The following EEF1AKMT1 variants were observed in gnomAD, a reference collection of about 807,000 sequenced individuals.
The protein encoded by EEF1AKMT1 is N-6 adenine-specific DNA methyltransferase 2 (putative).
In EEF1AKMT1, 18 loss-of-function variants were observed where a neutral mutation model predicts 21.0. The ratio of observed to expected loss-of-function variants is 0.86; its 90% confidence interval spans 0.59 to 1.27. EEF1AKMT1 has a LOEUF of 1.27. Ranked by LOEUF, EEF1AKMT1 falls within the 50% of genes most tolerant of loss-of-function variation. EEF1AKMT1 has a pLI of 0.00. For synonymous variants in EEF1AKMT1, 109 were observed against 94.8 expected, an observed-to-expected ratio of 1.15 and a Z score of -0.87; for missense variants, 246 against 258.6, an observed-to-expected ratio of 0.95 and a Z score of 0.33.
At chr13:20,739,965 G>T (rs1206040765) in intron 2 of EEF1AKMT1, among the ~76,000 whole-genome samples, 1 of 152,246 alleles carries the variant, frequency 6.6e-6, no homozygotes, top group East Asian at 1.9e-4. Flanking sequence ...GATGCGACTG[G>T]GCCCCGCAGA....
rs148846182 is a variant in EEF1AKMT1, at chr13:20,736,265, T to C, written c.227+1458A>G. Among the ~76,000 whole-genome samples, 140 of 152,266 alleles carry C rather than the reference T, an allele frequency of 9.2e-4. 1 individual carries two copies. The highest frequency in any genetic ancestry group is 7.5e-3 in the East Asian group (39 of 5,178). ...TGATACTGGATTTGTCAGCAGCATG[T>C]ATGGAAGTTTGGAGACAATGGAGCA... On this transcript the variant is annotated intron_variant, in intron 3 of 4. Transcript: ENST00000382758.
At chr13:20,763,117 A>C (rs889850196) in intron 1 of EEF1AKMT1, among the ~76,000 whole-genome samples, 1 of 152,028 alleles carries the variant, frequency 6.6e-6, no homozygotes, top group African/African-American at 2.4e-5. Flanking sequence ...CGGTCTTTGT[A>C]TTGTCTTTGG....
intron 1 of EEF1AKMT1, among the ~76,000 whole-genome samples, chr13:20,765,572 C>G (rs1026437134): frequency 2.0e-5 from 3 of 151,862 alleles, no homozygotes; most frequent in African/African-American, 7.3e-5. Flanking sequence ...GCCACCACAC[C>G]TGGCTATTTT....
chr13:20,745,099 T>A (rs2141422058), intron 2 of EEF1AKMT1, among the ~76,000 whole-genome samples: 1 of 152,334 alleles, frequency 6.6e-6, no homozygotes, highest in Non-Finnish European at 1.5e-5. Flanking sequence ...TGTAGTATAG[T>A]TTGAAGTCAG....
intron 1 of EEF1AKMT1, among the ~76,000 whole-genome samples, chr13:20,761,241 C>T (rs2059000269): frequency 2.0e-5 from 3 of 152,158 alleles, no homozygotes; most frequent in African/African-American, 7.2e-5. Flanking sequence ...CATTCCCATC[C>T]TCTCCCACCT....
At chr13:20,761,646 T>C (rs1428597883) in intron 1 of EEF1AKMT1, among the ~76,000 whole-genome samples, 1 of 150,410 alleles carries the variant, frequency 6.6e-6, no homozygotes, top group East Asian at 2.0e-4. Flanking sequence ...TATTTCATGA[T>C]GATACATTAT....
chr13:20,770,877 T>A (rs887486058), intron 1 of EEF1AKMT1, among the ~76,000 whole-genome samples: 1 of 152,000 alleles, frequency 6.6e-6, no homozygotes, highest in South Asian at 2.1e-4. Flanking sequence ...ATCCTTGACA[T>A]ATAAATTTTT....
At chr13:20,739,028 T>C (rs974893365) in intron 2 of EEF1AKMT1, among the ~76,000 whole-genome samples, 1 of 152,184 alleles carries the variant, frequency 6.6e-6, no homozygotes, top group African/African-American at 2.4e-5. Context: ...TTCCTTCTGA[T>C]GTTCAGACGT....
At chr13:20,760,605 G>A (rs2058996638) in intron 1 of EEF1AKMT1, among the ~76,000 whole-genome samples, 3 of 151,992 alleles carry the variant, frequency 2.0e-5, no homozygotes, top group African/African-American at 7.3e-5. Context: ...GTTCAATATT[G>A]GGTGATGGGT....
At chr13:20,765,754 A>G (rs949850731) in intron 1 of EEF1AKMT1, among the ~76,000 whole-genome samples, 1 of 151,040 alleles carries the variant, frequency 6.6e-6, no homozygotes, top group African/African-American at 2.4e-5. Context: ...TAGCTTTCAT[A>G]TATGTTTCTT....
At chr13:20,733,242 C>T (rs1268414118) in intron 3 of EEF1AKMT1, among the ~76,000 whole-genome samples, 5 of 152,070 alleles carry the variant, frequency 3.3e-5, no homozygotes, top group Non-Finnish European at 5.9e-5. Context: ...ATTACAGGCA[C>T]CCGCCACCAC....
chr13:20,750,082 C>T (rs1268647366), intron 2 of EEF1AKMT1, among the ~76,000 whole-genome samples: 1 of 152,076 alleles, frequency 6.6e-6, no homozygotes, highest in Non-Finnish European at 1.5e-5. Context: ...TGTCTTCTTT[C>T]CTATTTGTAC....
Position 20,728,967 on chromosome 13 carries a change from G to A in EEF1AKMT1, c.*113C>T, listed in dbSNP as rs2058774656. 10 of 1,390,026 alleles carry A rather than the reference G, an allele frequency of 7.2e-6. No homozygotes were observed. The highest frequency in any genetic ancestry group is 1.0e-5 in the Non-Finnish European group (10 of 995,018). The allele number at this position is 1,390,026 out of a possible 1,614,324, so 86.1% of individuals were successfully genotyped here. ...CACTTTATTTTGAAAACCAGGCCAG[G>A]GACAGCTCCAGTTTGGGGGGAGGGG... is the stretch of plus-strand genomic sequence containing the variant. On this transcript the variant is annotated 3_prime_UTR_variant, in exon 5 of 5. Coordinates refer to ENST00000382758, the MANE Select transcript of EEF1AKMT1 (RefSeq NM_001318939.2).
intron 2 of EEF1AKMT1, among the ~76,000 whole-genome samples, chr13:20,753,042 A>T (rs937828473): frequency 2.0e-5 from 3 of 152,062 alleles, no homozygotes; most frequent in Admixed American, 2.0e-4. Context: ...TATTTATTTG[A>T]AACCTTCCTA....
chr13:20,770,712 G>A (rs2059058203), intron 1 of EEF1AKMT1, among the ~76,000 whole-genome samples: 1 of 152,084 alleles, frequency 6.6e-6, no homozygotes, highest in Non-Finnish European at 1.5e-5. Flanking sequence ...AGCCAATATT[G>A]CCTGGCAAAA....
chr13:20,733,280 G>C lies in EEF1AKMT1; in HGVS notation c.228-1159C>G, dbSNP rs564794504. 4.5e-4 allele frequency among the ~76,000 whole-genome samples: 69 copies of C among 152,208 alleles called. No homozygotes were observed. In the Middle Eastern group the frequency reaches 0.017, roughly 38 times the overall value. On this transcript the variant is annotated intron_variant, in intron 3 of 4. Transcript: ENST00000382758. ...CTGGCTAATTTTTGTAATTTTAGCA[G>C]AGACGGGGTTTCACCATCTTGGCCA... is the stretch of plus-strand genomic sequence containing the variant.
At chr13:20,745,398 C>T (rs2818978) in intron 2 of EEF1AKMT1, among the ~76,000 whole-genome samples, 3,106 of 152,082 alleles carry the variant, frequency 0.02, 84 homozygotes, top group Middle Eastern at 0.085. Flanking sequence ...GGGTCCTTCA[C>T]GTCCCTTGTA....
chr13:20,764,880 AACACACACACACACACACACACACAC>A lies in EEF1AKMT1; in HGVS notation c.-19-7289_-19-7264del, dbSNP rs34574835. On this transcript the variant is annotated intron_variant, in intron 1 of 4. Coordinates refer to ENST00000382758, the MANE Select transcript of EEF1AKMT1 (RefSeq NM_001318939.2). The stretch of plus-strand genomic sequence containing the variant: ...ATATTTTCCCCTTCCTTTCACTTTC[AACACACACACACACACACACACACAC>A]ACACACACACACCCTAATTTTGAAG... 8.2e-4 allele frequency among the ~76,000 whole-genome samples: 115 copies of A among 139,902 alleles called. 1 individual carries two copies. Among genetic ancestry groups the A allele is most frequent in the African/African-American group, 3.0e-3 (114 of 37,450 alleles). 91.8% of individuals were successfully genotyped at this position (139,902 alleles called of 152,430 possible).
At chr13:20,771,286 A>G (rs2059061755) in intron 1 of EEF1AKMT1, among the ~76,000 whole-genome samples, 1 of 152,236 alleles carries the variant, frequency 6.6e-6, no homozygotes, top group African/African-American at 2.4e-5. Context: ...AAAAGGAACC[A>G]GTTGACTATA....
Sources: allele counts gnomAD v4.1 joint callset (sites outside exome capture counted in the v4.1 genomes callset), GRCh38; gene constraint gnomAD v4.1.1; transcripts MANE v1.5; gene names NCBI Gene and HGNC (gene_info 2026-07-23, HGNC 2026-07-21).